The following ATP6V0A2 variants were observed in gnomAD, a reference collection of about 807,000 sequenced individuals.
ATP6V0A2 encodes the protein ATPase H+ transporting V0 subunit a2.
A neutral mutation model predicts 104.4 loss-of-function variants in ATP6V0A2; 58 were observed. The observed-to-expected ratio is 0.56, with a 90% CI of 0.45 to 0.69. The LOEUF (loss-of-function observed/expected upper bound fraction) is 0.69. Among genes scored for constraint, ATP6V0A2 ranks in the 30% least tolerant of loss-of-function variants. ATP6V0A2 has a pLI of 0.00. For missense variants in ATP6V0A2, 938 were observed against 1,062.9 expected (o/e 0.88, Z 1.63); for synonymous variants, 376 against 397.9 (o/e 0.95, Z 0.65).
intron 6 of ATP6V0A2, among the ~76,000 whole-genome samples, chr12:123,729,322 G>GTTT (rs71308012): frequency 1.8e-5 from 2 of 113,894 alleles, no homozygotes; most frequent in African/African-American, 6.7e-5. Context: ...CAAGGAGGCT[G>GTTT]TTTTTTTTTT....
At chr12:123,738,748 A>G (rs1310629350) in intron 9 of ATP6V0A2, among the ~76,000 whole-genome samples, 1 of 152,086 alleles carries the variant, frequency 6.6e-6, no homozygotes, top group Non-Finnish European at 1.5e-5. Flanking sequence ...TCTACATTAA[A>G]CTCAGATTTT....
intron 6 of ATP6V0A2, among the ~76,000 whole-genome samples, chr12:123,729,092 T>G (rs1287694589): frequency 6.6e-6 from 1 of 152,226 alleles, no homozygotes; most frequent in Non-Finnish European, 1.5e-5. Context: ...GTTTTCAGCT[T>G]CCTCATTTAT....
intron 3 of ATP6V0A2, 111 bp from the exon 4 acceptor site, chr12:123,724,543 G>GA (rs201953013): frequency 6.9e-6 from 7 of 1,017,070 alleles, no homozygotes; most frequent in Non-Finnish European, 7.0e-6. Context: ...AAAAAAAAAA[G>GA]AAAAAAACAA....
At chr12:123,714,698 G>A (rs1302456518) in intron 1 of ATP6V0A2, among the ~76,000 whole-genome samples, 1 of 151,978 alleles carries the variant, frequency 6.6e-6, no homozygotes, top group African/African-American at 2.4e-5. Flanking sequence ...ACATTAAAAT[G>A]TACCTTATTC....
At chr12:123,736,593 AGT>A (rs1956556302) in intron 8 of ATP6V0A2, among the ~76,000 whole-genome samples, 1 of 152,148 alleles carries the variant, frequency 6.6e-6, no homozygotes, top group Non-Finnish European at 1.5e-5. Context: ...TCTTGATGAC[AGT>A]GAGGGTTCTT....
chr12:123,751,704 A>G (rs1488006477), intron 16 of ATP6V0A2, among the ~76,000 whole-genome samples: 1 of 152,188 alleles, frequency 6.6e-6, no homozygotes, highest in Non-Finnish European at 1.5e-5. Flanking sequence ...TGCTGTGTCC[A>G]GGGCCTGTGG....
intron 2 of ATP6V0A2, among the ~76,000 whole-genome samples, chr12:123,719,866 A>T (rs2135881509): frequency 6.6e-6 from 1 of 151,944 alleles, no homozygotes; most frequent in Non-Finnish European, 1.5e-5. Flanking sequence ...GCCTCCTGTA[A>T]GTTCCTTCAT....
rs753589480 is a variant in ATP6V0A2, at chr12:123,752,393, G to C, written c.2166G>C (p.Ala722=). ...HQVEDGCREM[A]CEEFNFGEIL... ...TGGAAGATGGATGTAGAGAAATGGC[G>C]TGTGAAGAGGTAAATCTTTTCAACT... The change falls in exon 17 of 20, where the codon GCG becomes GCC. Residue 722 remains alanine, a synonymous_variant. Transcript: ENST00000330342. 2 of 1,614,028 alleles carry C rather than the reference G, an allele frequency of 1.2e-6. No individual in the cohort carries two copies. The highest frequency in any genetic ancestry group is 1.7e-6 in the Non-Finnish European group (2 of 1,179,940).
chr12:123,712,496 A>T lies in ATP6V0A2; in HGVS notation c.-70A>T. On this transcript the variant is annotated 5_prime_UTR_variant, in exon 1 of 20. Transcript: ENST00000330342. The stretch of plus-strand genomic sequence containing the variant: ...CTCGAGGCCCGGGCCGCACCGGCTG[A>T]GTGTGCGGGCCCGCGCGGCTCGGAG... 1 of 1,044,960 alleles carries T rather than the reference A, an allele frequency of 9.6e-7. No individual in the cohort carries two copies. Among genetic ancestry groups the T allele is most frequent in the Non-Finnish European group, 1.3e-6 (1 of 754,048 alleles). The allele number at this position is 1,044,960 out of a possible 1,614,324, so 64.7% of individuals were successfully genotyped here.
intron 9 of ATP6V0A2, among the ~76,000 whole-genome samples, chr12:123,742,974 A>T (rs1162089474): frequency 6.6e-5 from 10 of 152,248 alleles, no homozygotes; most frequent in African/African-American, 2.4e-4. Flanking sequence ...GGATAAAGTT[A>T]TATTTATGAT....
At chr12:123,722,772 A>C (rs1956412391) in intron 3 of ATP6V0A2, among the ~76,000 whole-genome samples, 1 of 152,174 alleles carries the variant, frequency 6.6e-6, no homozygotes, top group Non-Finnish European at 1.5e-5. Context: ...GTACTGTTTC[A>C]GAAAGCTCAT....
intron 1 of ATP6V0A2, among the ~76,000 whole-genome samples, chr12:123,715,455 C>T (rs1956330606): frequency 6.6e-6 from 1 of 151,994 alleles, no homozygotes; most frequent in Non-Finnish European, 1.5e-5. Flanking sequence ...AAAAAGTCCC[C>T]AAAAAATGAA....
chr12:123,727,760 A>G, intron 5 of ATP6V0A2, 23 bp from the exon 6 acceptor site: 1 of 1,613,900 alleles, frequency 6.2e-7, no homozygotes, highest in Non-Finnish European at 8.5e-7. Flanking sequence ...AGTTGACTAC[A>G]GGTTGACTTT....
At chr12:123,733,170 G>A (rs902670254) in intron 6 of ATP6V0A2, 4 of 152,120 alleles carry the variant, frequency 2.6e-5, no homozygotes, top group Non-Finnish European at 4.4e-5. Context: ...AAAATTAGCT[G>A]AGTGTGGTGG....
chr12:123,720,976 CTTTTCT>C lies in ATP6V0A2; in HGVS notation c.197-1364_197-1359del, dbSNP rs533681677. 4.4e-3 allele frequency among the ~76,000 whole-genome samples: 675 copies of C among 152,180 alleles called. 5 individuals are homozygous for C. The highest frequency in any genetic ancestry group is 0.015 in the African/African-American group (630 of 41,536). ...CTTTGCTATCTTGGTAAGACAGTTT[CTTTTCT>C]TTTTCTTTTTGTTTTTCCTCCTTAC... is the stretch of plus-strand genomic sequence containing the variant. On this transcript the variant is annotated intron_variant, in intron 2 of 19. Transcript: ENST00000330342.
intron 19 of ATP6V0A2, among the ~76,000 whole-genome samples, chr12:123,757,526 C>T (rs1956776504): frequency 6.6e-6 from 1 of 152,204 alleles, no homozygotes; most frequent in Non-Finnish European, 1.5e-5. Context: ...ACGTATGTTT[C>T]ATACTCCTAA....
intron 4 of ATP6V0A2, among the ~76,000 whole-genome samples, chr12:123,725,082 C>T (rs1299821122): frequency 6.6e-6 from 1 of 151,974 alleles, no homozygotes; most frequent in African/African-American, 2.4e-5. Context: ...ATTACAGGCG[C>T]CCGCCACCAC....
chr12:123,755,357 G>A (rs977989817), intron 18 of ATP6V0A2, among the ~76,000 whole-genome samples: 1 of 152,068 alleles, frequency 6.6e-6, no homozygotes, highest in Non-Finnish European at 1.5e-5. Flanking sequence ...GACCAGCATG[G>A]CAAAACCATC....
chr12:123,754,066 A>G, intron 17 of ATP6V0A2: 1 of 386,192 alleles, frequency 2.6e-6, no homozygotes, highest in Non-Finnish European at 4.7e-6. Flanking sequence ...TTATCAGTAG[A>G]TGTTTCATAA....
Sources: gnomAD v4.1 joint callset for allele counts (sites outside exome capture counted in the v4.1 genomes callset) on GRCh38, gnomAD v4.1.1 for gene constraint, MANE v1.5 for transcripts, NCBI Gene and HGNC (gene_info 2026-07-23, HGNC 2026-07-21) for gene names.